Variants in PIEZO2 observed in about 807,000 individuals in gnomAD.
The protein encoded by PIEZO2 is piezo type mechanosensitive ion channel component 2.
A neutral mutation model predicts 337.3 loss-of-function variants in PIEZO2; 172 were observed. The observed-to-expected ratio is 0.51, with a 90% confidence interval of 0.45 to 0.58. The LOEUF is 0.58. Among genes scored for constraint, PIEZO2 ranks in the 20% least tolerant of loss-of-function variants. The pLI, the probability that PIEZO2 is intolerant of heterozygous loss-of-function variation, is 0.00. For synonymous variants in PIEZO2, 1,251 were observed against 1,228.5 expected (o/e 1.02, Z -0.38); for missense variants, 3,028 against 3,391.3 (o/e 0.89, Z 2.66).
chr18:10,965,664 G>C (rs894112061), intron 3 of PIEZO2, among the ~76,000 whole-genome samples: 6 of 151,990 alleles, frequency 3.9e-5, no homozygotes, highest in African/African-American at 1.5e-4. Context: ...TTTATCCTAA[G>C]GAAATAAACA....
At chr18:11,061,349 AC>A (rs2037947299) in intron 2 of PIEZO2, among the ~76,000 whole-genome samples, 1 of 150,904 alleles carries the variant, frequency 6.6e-6, no homozygotes, top group South Asian at 2.1e-4. Context: ...CTGGCACAAG[AC>A]AGGGATGCCC....
rs2038177136 is a variant in PIEZO2, at chr18:10,762,511, C to G, written c.3238G>C (p.Val1080Leu). Residue 1080 changes from valine to leucine, a missense_variant, in exon 23 of 56, where the codon GTC becomes CTC. Physicochemically the swap from Val to Leu is conservative, Grantham distance 32. Around this residue, in one of 5 missense-constraint regions of PIEZO2, gnomAD observed 1,925 missense variants for 2,051.9 expected, o/e 0.94. Transcript: ENST00000674853. The stretch of plus-strand genomic sequence containing the variant: ...GACAAAGCCATTACCCTCAGGTAGA[C>G]TAGCAGAGGCGAAGACTTCCGCAGG... ...VGLRKSSPLL[V>L]YLRNNLLMLA... The G allele has an allele frequency of 2.0e-6, 3 of 1,537,234 alleles. No individual in the cohort carries two copies. Among genetic ancestry groups the G allele is most frequent in the Non-Finnish European group, 2.6e-6 (3 of 1,146,916 alleles).
At chr18:10,712,916 A>G (rs1206279031) in intron 39 of PIEZO2, among the ~76,000 whole-genome samples, 1 of 152,232 alleles carries the variant, frequency 6.6e-6, no homozygotes, top group Non-Finnish European at 1.5e-5. Flanking sequence ...CCATAAAAAT[A>G]TACAATAATA....
At chr18:10,770,008 A>C (rs2038530502) in intron 21 of PIEZO2, 140 bp downstream of exon 21, 1 of 855,642 alleles carries the variant, frequency 1.2e-6, no homozygotes, top group African/African-American at 1.7e-5. Flanking sequence ...GATTTCTGTA[A>C]GTGTAAGTAC....
rs369236903 is a variant in PIEZO2 at position 10,812,676 on chromosome 18, T to C, written c.918-5402A>G. Among the ~76,000 whole-genome samples the C allele has an allele frequency of 2.0e-4, 30 of 152,160 alleles. No individual in the cohort carries two copies. The South Asian group carries it at 6.2e-3, about 32-fold the overall frequency. ...GCTCTGGGGGCCTCCATGGACTCAT[T>C]ATAGCTGTCCCTCCACTCCTCACGG... On this transcript the variant is annotated intron_variant, in intron 7 of 55. Transcript: ENST00000674853.
At chr18:10,769,922 C>T in intron 21 of PIEZO2, 1 of 457,444 alleles carries the variant, frequency 2.2e-6, no homozygotes. Flanking sequence ...AAATAAGTAG[C>T]CTTTGTAATA....
chr18:11,124,768 T>G (rs1473729833), intron 1 of PIEZO2, among the ~76,000 whole-genome samples: 1 of 152,094 alleles, frequency 6.6e-6, no homozygotes, highest in Non-Finnish European at 1.5e-5. Flanking sequence ...TCTGGCCCCT[T>G]TACCTGCCCC....
chr18:10,881,990 G>T (rs1475077392), intron 4 of PIEZO2, among the ~76,000 whole-genome samples: 1 of 152,104 alleles, frequency 6.6e-6, no homozygotes, highest in Non-Finnish European at 1.5e-5. Context: ...CCAACATCCA[G>T]ATCTCTGCTG....
chr18:10,811,733 G>C (rs1176639878), intron 7 of PIEZO2, among the ~76,000 whole-genome samples: 1 of 152,182 alleles, frequency 6.6e-6, no homozygotes, highest in Non-Finnish European at 1.5e-5. Context: ...AGTTATTTTT[G>C]TTCTCTACTG....
At chr18:10,964,854 A>G (rs947293718) in intron 3 of PIEZO2, among the ~76,000 whole-genome samples, 5 of 152,242 alleles carry the variant, frequency 3.3e-5, no homozygotes, top group Non-Finnish European at 1.5e-5. Context: ...GTCATACAGT[A>G]TGTGAACTTG....
intron 39 of PIEZO2, among the ~76,000 whole-genome samples, chr18:10,714,033 G>A (rs2035917452): frequency 6.6e-6 from 1 of 152,180 alleles, no homozygotes; most frequent in African/African-American, 2.4e-5. Context: ...CTTGGGTTCT[G>A]AGCTAAACCA....
intron 39 of PIEZO2, among the ~76,000 whole-genome samples, chr18:10,712,278 TC>T (rs1308927214): frequency 2.0e-5 from 3 of 152,202 alleles, no homozygotes; most frequent in South Asian, 2.1e-4. Context: ...CCATGCAGGG[TC>T]CCTCTAGGAT....
intron 3 of PIEZO2, among the ~76,000 whole-genome samples, chr18:10,933,899 C>T (rs2032228152): frequency 6.6e-6 from 1 of 152,228 alleles, no homozygotes; most frequent in South Asian, 2.1e-4. Flanking sequence ...CTCTTGCCTG[C>T]TGCCATGTAA....
rs1275974628 is a variant in PIEZO2 at position 10,697,862 on chromosome 18, T to C, written c.6713A>G (p.Asn2238Ser). The C allele has an allele frequency of 1.9e-6, 3 of 1,613,414 alleles. No homozygotes were observed. Among genetic ancestry groups the C allele is most frequent in the Non-Finnish European group, 2.5e-6 (3 of 1,179,544 alleles). ...AACACTGCTTCCTTTTTGACTGCTG[T>C]TTCGGGTGCTTGTGCTGCCTAGAAA... ...RSQRGSTSTR[N>S]SSQKGSSVLS... Residue 2238 changes from asparagine to serine, a missense_variant, in exon 45 of 56, where the codon AAC becomes AGC. This residue lies in a region of PIEZO2 where 1,925 missense variants were observed against 2,051.9 expected (regional missense o/e 0.94). Coordinates refer to ENST00000674853, the MANE Select transcript of PIEZO2 (RefSeq NM_001378183.1).
chr18:10,693,141 T>C (rs1335413256), intron 47 of PIEZO2, among the ~76,000 whole-genome samples: 3 of 152,242 alleles, frequency 2.0e-5, no homozygotes, highest in African/African-American at 4.8e-5. Context: ...ATATTTTTAA[T>C]GGCATTGTAA....
In PIEZO2 at chr18:10,691,220, C is replaced by G; in HGVS notation, c.7349+5G>C. The G allele has an allele frequency of 2.0e-5, 33 of 1,613,308 alleles. No individual in the cohort carries two copies. The highest frequency in any genetic ancestry group is 2.6e-5 in the Non-Finnish European group (31 of 1,179,750). On this transcript the variant is annotated splice_donor_5th_base_variant and intron_variant, in intron 48 of 55. Transcript: ENST00000674853. ...AAGTGACTGTGACGTTGCAGAGCGT[C>G]CTACCCTTGGAATAAGAAGAGGTTG...
At chr18:10,697,990 T>C in intron 44 of PIEZO2, 110 bp from the exon 45 acceptor site, 1 of 441,416 alleles carries the variant, frequency 2.3e-6, no homozygotes, top group East Asian at 9.6e-5. Context: ...AGCTCAGGAC[T>C]GTTTGGGAGG....
At position 11,018,220 on chromosome 18, in the gene PIEZO2, G is replaced by GT. The variant is rs1555694659; in HGVS notation, c.161-38561_161-38560insA. ...TGGTGGTGGTGGTGGTGGTGGTGGT[G>GT]GTGTGTGTGTGTGTGTGTGTGTGTT... On this transcript the variant is annotated intron_variant, in intron 2 of 55. Coordinates refer to ENST00000674853, the MANE Select transcript of PIEZO2 (RefSeq NM_001378183.1). Among the ~76,000 whole-genome samples the GT allele has an allele frequency of 1.2e-4, 18 of 144,124 alleles. No individual in the cohort carries two copies. In the South Asian group the frequency reaches 2.4e-3, roughly 19 times the overall value. 94.6% of individuals were successfully genotyped at this position (144,124 alleles called of 152,430 possible). A position where few individuals can be genotyped will look rare whatever the true frequency, so the allele number is the denominator to read the frequency against.
chr18:10,749,265 A>T (rs994230895), intron 29 of PIEZO2, among the ~76,000 whole-genome samples: 2 of 152,014 alleles, frequency 1.3e-5, no homozygotes, highest in Non-Finnish European at 2.9e-5. Flanking sequence ...TTCAAGACCA[A>T]CCTGGGCAAC....
Sources: gnomAD v4.1 joint callset for allele counts (sites outside exome capture counted in the v4.1 genomes callset) on GRCh38, gnomAD v4.1.1 for gene constraint, gnomAD v4.1.1 regional missense constraint, MANE v1.5 for transcripts, NCBI Gene and HGNC (gene_info 2026-07-23, HGNC 2026-07-21) for gene names.